The following KANK2 variants were observed in gnomAD, a reference collection of about 807,000 sequenced individuals.
KANK2 encodes KN motif and ankyrin repeat domains 2.
KANK2 carries 41 observed loss-of-function variants against 74.6 expected under a neutral mutation model. That is an observed-to-expected ratio of 0.55 (90% CI 0.43 to 0.71). KANK2 has a LOEUF of 0.71. Ranked by LOEUF, KANK2 falls within the 30% of genes least tolerant of loss-of-function variation. The pLI, the probability that KANK2 is intolerant of heterozygous loss-of-function variation, is 0.00. For missense variants in KANK2, 1,148 were observed against 1,196.4 expected (o/e 0.96, Z 0.60); for synonymous variants, 537 against 519.0 (o/e 1.03, Z -0.47).
intron 8 of KANK2, among the ~76,000 whole-genome samples, 175 bp downstream of exon 8, chr19:11,175,727 C>G (rs1407744943): frequency 6.6e-6 from 1 of 152,204 alleles, no homozygotes; most frequent in Non-Finnish European, 1.5e-5. Flanking sequence ...CCCCATCTCC[C>G]TGGCCTCTCT....
chr19:11,178,214 T>A, intron 6 of KANK2, 131 bp downstream of exon 6: 1 of 709,246 alleles, frequency 1.4e-6, no homozygotes, highest in Non-Finnish European at 2.1e-6. Flanking sequence ...CTCATCTCTG[T>A]GTTGTGGTTT....
In KANK2 at chr19:11,166,404, TC is replaced by T; in HGVS notation, c.*153del. ...GCTGGAGTCCTGTGGCCGTCGGGGC[TC>T]CCCCAGGGAAGCAGAGGGAGAGCTC... On this transcript the variant is annotated 3_prime_UTR_variant, in exon 13 of 13. Coordinates refer to ENST00000586659, the MANE Select transcript of KANK2 (RefSeq NM_001136191.3). 1 of 673,352 alleles carries T rather than the reference TC, an allele frequency of 1.5e-6. No homozygotes were observed. 41.7% of individuals were successfully genotyped at this position (673,352 alleles called of 1,614,324 possible).
At chr19:11,194,680 C>A (rs1043831144) in intron 2 of KANK2, 90 bp from the exon 3 acceptor site, 4 of 596,818 alleles carry the variant, frequency 6.7e-6, no homozygotes, top group Non-Finnish European at 1.2e-5. Flanking sequence ...CTGGTTCACC[C>A]AGCCCCCCAA....
intron 4 of KANK2, among the ~76,000 whole-genome samples, chr19:11,191,086 GCTGGAGGGCAGTGGTGTGATCTTGGCTCA>G (rs2078830651): frequency 6.6e-6 from 1 of 151,582 alleles, no homozygotes; most frequent in African/African-American, 2.4e-5. Context: ...TGTCGCCCAG[GCTGGAGGGCAGTGGTGTGATCTTGGCTCA>G]CTGCAACCTC....
intron 6 of KANK2, among the ~76,000 whole-genome samples, chr19:11,177,231 T>A (rs2078371003): frequency 1.3e-5 from 2 of 151,364 alleles, no homozygotes; most frequent in Non-Finnish European, 2.9e-5. Context: ...GGACTACAGG[T>A]TTGCACCACT....
At position 11,173,916 on chromosome 19, in the gene KANK2, A is replaced by G. The variant is rs79345014; in HGVS notation, c.2068+557T>C. Among the ~76,000 whole-genome samples the G allele has an allele frequency of 8.9e-3, 1,348 of 151,514 alleles. 25 individuals are homozygous for G. The highest frequency in any genetic ancestry group is 0.03 in the African/African-American group (1,256 of 41,264). On this transcript the variant is annotated intron_variant, in intron 9 of 12. Transcript: ENST00000586659. ...AGACTGGGAGGGCCACATTCCCCCA[A>G]CAATGAACCGGGAAGATGATGTCTC...
At chr19:11,167,662 G>A (rs1409678439) in intron 12 of KANK2, among the ~76,000 whole-genome samples, 1 of 151,824 alleles carries the variant, frequency 6.6e-6, no homozygotes. Context: ...CGAGTATCTG[G>A]GATTACAGGT....
rs1206980192 is a variant in KANK2, at chr19:11,193,442, T to C, written c.638A>G (p.Gln213Arg). The change falls in exon 4 of 13, where the codon CAG becomes CGG. Residue 213 changes from glutamine (Q) to arginine (R), a missense_variant. By Grantham distance (43) the Gln-to-Arg change is conservative (BLOSUM62 1). Transcript: ENST00000586659. The surrounding 1 kb of genome is among the most constrained non-coding windows in gnomAD (Gnocchi z 9.6). ...EEQVKLIPVL[Q>R]VKLSVLQEEK... The stretch of plus-strand genomic sequence containing the variant: ...CTCCTGGAGCACCGAGAGCTTCACC[T>C]GGAGCACAGGGATCAGCTTCACCTG... The C allele has an allele frequency of 3.1e-6, 5 of 1,612,180 alleles. No individual in the cohort carries two copies. The South Asian group carries it at 4.4e-5, about 14-fold the overall frequency.
chr19:11,170,575 G>A lies in KANK2; in HGVS notation c.2212-327C>T, dbSNP rs998950377. Among the ~76,000 whole-genome samples, 1 of 152,186 alleles carries A rather than the reference G, an allele frequency of 6.6e-6. No individual in the cohort carries two copies. The highest frequency in any genetic ancestry group is 1.5e-5 in the Non-Finnish European group (1 of 68,030). On this transcript the variant is annotated intron_variant, in intron 10 of 12. Coordinates refer to ENST00000586659, the MANE Select transcript of KANK2 (RefSeq NM_001136191.3). The surrounding 1 kb of genome is among the most constrained non-coding windows in gnomAD (Gnocchi z 5.2). ...AACAGGGTGAATGTATTTCATGCCA[G>A]TAGTGCTTTTGGTTTTGTTTTGCTT... is the stretch of plus-strand genomic sequence containing the variant.
chr19:11,176,676 C>T lies in KANK2; in HGVS notation c.1662G>A (p.Ala554=), dbSNP rs376523849. 34 of 1,613,568 alleles carry T rather than the reference C, an allele frequency of 2.1e-5. No homozygotes were observed. Among genetic ancestry groups the T allele is most frequent in the Admixed American group, 8.3e-5 (5 of 59,890 alleles). The stretch of plus-strand genomic sequence containing the variant: ...GACACTCCTGCCGGCTGGTCTTGGC[C>T]GCTGCCGTCCCTGCAGGCCTGAGCT... ...APQLRPAGTA[A]AKTSRQECQL... Residue 554 remains alanine (A), a synonymous_variant, in exon 7 of 13, where the codon GCG becomes GCA. Coordinates refer to ENST00000586659, the MANE Select transcript of KANK2 (RefSeq NM_001136191.3).
rs531854273 is a variant in KANK2 at position 11,191,132 on chromosome 19, C to G, written c.1249+1699G>C. 2.0e-5 allele frequency among the ~76,000 whole-genome samples: 3 copies of G among 151,966 alleles called. No individual in the cohort carries two copies. The East Asian group carries it at 5.8e-4, about 29-fold the overall frequency. On this transcript the variant is annotated intron_variant, in intron 4 of 12. Transcript: ENST00000586659. The stretch of plus-strand genomic sequence containing the variant: ...CTTGGCTCACTGCAACCTCCGCCTC[C>G]CGGGTTCAAGCGATTCTCCTGCCTC...
chr19:11,183,118 A>C (rs1267555428), intron 4 of KANK2, among the ~76,000 whole-genome samples: 1 of 152,254 alleles, frequency 6.6e-6, no homozygotes, highest in East Asian at 1.9e-4. Flanking sequence ...AGACAATTCT[A>C]CAAAACAAGA....
chr19:11,181,648 G>T (rs1352511171), intron 4 of KANK2, among the ~76,000 whole-genome samples: 2 of 152,070 alleles, frequency 1.3e-5, no homozygotes, highest in Non-Finnish European at 2.9e-5. Context: ...GTTTCAGTTT[G>T]GAAAGATGAG....
Position 11,169,884 on chromosome 19 carries a change from T to G in KANK2, c.2495A>C (p.Lys832Thr). Reference protein sequence around the residue: ...ASMLYSRMNIKCSFAPMSDDE... With the variant: ...ASMLYSRMNITCSFAPMSDDE... ...GGCCGGATTGAGACTCACCGAGCACTTGATGTTCATGCGGGAATACAGCAT... is the reference window on the plus strand; with the variant it reads ...GGCCGGATTGAGACTCACCGAGCACGTGATGTTCATGCGGGAATACAGCAT... The change falls in exon 12 of 13, where the codon AAG becomes ACG. Residue 832 changes from lysine (K) to threonine (T), a missense_variant. By Grantham distance (78) the Lys-to-Thr change is moderately conservative. Coordinates refer to ENST00000586659, the MANE Select transcript of KANK2 (RefSeq NM_001136191.3). 1 of 1,613,924 alleles carries G rather than the reference T, an allele frequency of 6.2e-7. No homozygotes were observed. Among genetic ancestry groups the G allele is most frequent in the East Asian group, 2.2e-5 (1 of 44,882 alleles).
intron 6 of KANK2, 131 bp downstream of exon 6, chr19:11,178,214 T>G: frequency 8.6e-5 from 61 of 709,198 alleles, no homozygotes; most frequent in Middle Eastern, 4.2e-4. Flanking sequence ...CTCATCTCTG[T>G]GTTGTGGTTT....
intron 4 of KANK2, among the ~76,000 whole-genome samples, chr19:11,184,363 G>A (rs945593889): frequency 6.9e-6 from 1 of 144,986 alleles, no homozygotes; most frequent in African/African-American, 2.5e-5. Flanking sequence ...ATGACAGAGC[G>A]AAACTCTGTC....
At chr19:11,192,657 A>C (rs2078879711) in intron 4 of KANK2, 174 bp downstream of exon 4, 1 of 724,668 alleles carries the variant, frequency 1.4e-6, no homozygotes, top group Admixed American at 2.1e-5. Flanking sequence ...CTGGTCTCCA[A>C]CTCCTGACCT....
At position 11,178,727 on chromosome 19, in the gene KANK2, G is replaced by A. The variant is rs777085201; in HGVS notation, c.1250-7C>T. ...GCAGGAACTTCTGGGAGGCCTGGAG[G>A]GACAGGAAATGAGTGTCTGCTCTTG... On this transcript the variant is annotated splice_region_variant and splice_polypyrimidine_tract_variant and intron_variant, in intron 4 of 12. Coordinates refer to ENST00000586659, the MANE Select transcript of KANK2 (RefSeq NM_001136191.3). 3.1e-5 allele frequency: 47 copies of A among 1,521,798 alleles called. No homozygotes were observed. The highest frequency in any genetic ancestry group is 3.8e-5 in the Non-Finnish European group (43 of 1,139,910). The allele number at this position is 1,521,798 out of a possible 1,614,324, so 94.3% of individuals were successfully genotyped here.
At chr19:11,181,162 G>A (rs1305594026) in intron 4 of KANK2, among the ~76,000 whole-genome samples, 2 of 149,206 alleles carry the variant, frequency 1.3e-5, no homozygotes, top group African/African-American at 4.9e-5. Context: ...TATGCTAAGT[G>A]AAAGAAGCCA....
Sources: gnomAD v4.1 joint callset for allele counts (sites outside exome capture counted in the v4.1 genomes callset) on GRCh38, gnomAD v4.1.1 for gene constraint, Gnocchi (gnomAD v3.1) non-coding constraint, MANE v1.5 for transcripts, NCBI Gene and HGNC (gene_info 2026-07-23, HGNC 2026-07-21) for gene names.